The following LRCH1 variants were observed in gnomAD, a reference collection of about 807,000 sequenced individuals.
The protein encoded by LRCH1 is leucine-rich repeat and calponin homology domain-containing protein 1.
In LRCH1, 23 loss-of-function variants were observed where a neutral mutation model predicts 94.9. The observed-to-expected ratio is 0.24, with a 90% CI of 0.17 to 0.34. The LOEUF is 0.34. Among genes scored for constraint, LRCH1 ranks in the 10% least tolerant of loss-of-function variants. The pLI is 1.00. For missense variants in LRCH1, 790 were observed against 945.9 expected (o/e 0.84, Z 2.16); for synonymous variants, 364 against 354.9 (o/e 1.03, Z -0.29).
rs538190174 is a variant in LRCH1, at chr13:46,642,579, C to A, written c.308-7622C>A. On this transcript the variant is annotated intron_variant, in intron 1 of 19. Coordinates refer to ENST00000389797, the MANE Select transcript of LRCH1 (RefSeq NM_001164211.2). The stretch of plus-strand genomic sequence containing the variant: ...TCCATTCCAGGTCAGATTCTTGTTG[C>A]TCTGATTGTATCAGAAACTAGCTGA... 2.8e-4 allele frequency among the ~76,000 whole-genome samples: 43 copies of A among 152,330 alleles called. 1 individual carries two copies. In the South Asian group the frequency reaches 6.8e-3, roughly 24 times the overall value.
At chr13:46,605,526 C>G (rs1307268965) in intron 1 of LRCH1, among the ~76,000 whole-genome samples, 1 of 152,178 alleles carries the variant, frequency 6.6e-6, no homozygotes, top group Non-Finnish European at 1.5e-5. Flanking sequence ...CCTCCTCCTC[C>G]TCCTCCTCCT....
At chr13:46,610,708 A>G (rs962246172) in intron 1 of LRCH1, among the ~76,000 whole-genome samples, 1 of 152,196 alleles carries the variant, frequency 6.6e-6, no homozygotes, top group Non-Finnish European at 1.5e-5. Flanking sequence ...ATATGTATAT[A>G]TCACAACTTC....
intron 3 of LRCH1, among the ~76,000 whole-genome samples, chr13:46,677,930 A>G (rs2051699769): frequency 6.6e-6 from 1 of 152,346 alleles, no homozygotes. Flanking sequence ...AGTACTAACT[A>G]TAGGGTGCTA....
intron 11 of LRCH1, among the ~76,000 whole-genome samples, chr13:46,703,577 A>C (rs1168874613): frequency 6.6e-6 from 1 of 152,194 alleles, no homozygotes; most frequent in Non-Finnish European, 1.5e-5. Flanking sequence ...TTTGGGGTAG[A>C]GAATGAGGGG....
intron 1 of LRCH1, among the ~76,000 whole-genome samples, chr13:46,615,846 A>G (rs1230479444): frequency 6.6e-6 from 1 of 152,126 alleles, no homozygotes; most frequent in African/African-American, 2.4e-5. Flanking sequence ...TTTGATGGAA[A>G]GATTTCCCAG....
intron 1 of LRCH1, among the ~76,000 whole-genome samples, chr13:46,603,187 AATTT>A (rs1183001466): frequency 6.6e-6 from 1 of 151,660 alleles, no homozygotes; most frequent in Non-Finnish European, 1.5e-5. Context: ...GAGAGCCTCT[AATTT>A]ATTTCTTCTT....
At position 46,687,840 on chromosome 13, in the gene LRCH1, AT is replaced by A; in HGVS notation, c.823-9del. The A allele has an allele frequency of 2.5e-6, 4 of 1,603,948 alleles. No individual in the cohort carries two copies. The highest frequency in any genetic ancestry group is 3.4e-6 in the Non-Finnish European group (4 of 1,173,866). On this transcript the variant is annotated splice_polypyrimidine_tract_variant and intron_variant, in intron 5 of 19. Transcript: ENST00000389797. Reference sequence around the variant, plus strand: ...TGAAAAATGAATATGATTGCTATTAATTTCTTTGTAGATTTGCACAAAGGGC... The same window carrying A: ...TGAAAAATGAATATGATTGCTATTAATTCTTTGTAGATTTGCACAAAGGGC...
intron 3 of LRCH1, among the ~76,000 whole-genome samples, chr13:46,670,092 TGG>T (rs1356440660): frequency 5.9e-5 from 9 of 152,232 alleles, no homozygotes; most frequent in Non-Finnish European, 1.2e-4. Context: ...ATGTCTTTAG[TGG>T]GATTGGGCTA....
At chr13:46,715,752 A>T in intron 16 of LRCH1, 88 bp downstream of exon 16, 3 of 825,138 alleles carry the variant, frequency 3.6e-6, no homozygotes, top group Non-Finnish European at 6.0e-6. Context: ...CTGAAGATAG[A>T]GTATATTCAC....
intron 19 of LRCH1, among the ~76,000 whole-genome samples, chr13:46,737,468 T>G (rs1200805317): frequency 1.3e-5 from 2 of 152,232 alleles, no homozygotes; most frequent in Non-Finnish European, 2.9e-5. Flanking sequence ...GGCTGATTCA[T>G]AAATGCAGCA....
chr13:46,575,869 T>TGAGTGAAGAG (rs2050299099), intron 1 of LRCH1, among the ~76,000 whole-genome samples: 1 of 152,186 alleles, frequency 6.6e-6, no homozygotes, highest in South Asian at 2.1e-4. Context: ...CCTGAGTCCT[T>TGAGTGAAGAG]GAGTGAAGAG....
At chr13:46,620,485 T>G (rs560646692) in intron 1 of LRCH1, among the ~76,000 whole-genome samples, 15 of 152,288 alleles carry the variant, frequency 9.8e-5, no homozygotes, top group Admixed American at 5.2e-4. Context: ...ATGAGAAGTA[T>G]AGAGTAAAAT....
chr13:46,715,056 A>G (rs1336330827), intron 15 of LRCH1, among the ~76,000 whole-genome samples: 3 of 152,222 alleles, frequency 2.0e-5, no homozygotes. Flanking sequence ...AAAAAAAATC[A>G]CTAATGGTAA....
chr13:46,601,445 T>A (rs1024266037), intron 1 of LRCH1, among the ~76,000 whole-genome samples: 9 of 152,192 alleles, frequency 5.9e-5, no homozygotes, highest in African/African-American at 1.7e-4. Flanking sequence ...ATAAGTTTTT[T>A]AAAAAGTTGT....
chr13:46,602,325 T>C (rs919596500), intron 1 of LRCH1, among the ~76,000 whole-genome samples: 28 of 152,354 alleles, frequency 1.8e-4, no homozygotes, highest in African/African-American at 5.8e-4. Context: ...GAATAGTTTA[T>C]GCCTCTGCTT....
chr13:46,589,079 C>T (rs2050468736), intron 1 of LRCH1, among the ~76,000 whole-genome samples: 3 of 152,142 alleles, frequency 2.0e-5, no homozygotes, highest in Non-Finnish European at 4.4e-5. Context: ...CTATGTCACC[C>T]AGGCTGGAGG....
At chr13:46,588,359 A>G (rs1186007541) in intron 1 of LRCH1, among the ~76,000 whole-genome samples, 1 of 152,180 alleles carries the variant, frequency 6.6e-6, no homozygotes, top group East Asian at 1.9e-4. Context: ...TGCTACTCAC[A>G]TGGTAAATAA....
At chr13:46,667,920 C>G (rs2138114617) in intron 2 of LRCH1, among the ~76,000 whole-genome samples, 1 of 152,356 alleles carries the variant, frequency 6.6e-6, no homozygotes, top group East Asian at 1.9e-4. Context: ...CTCCCCCTCA[C>G]ATACACAGAT....
intron 19 of LRCH1, among the ~76,000 whole-genome samples, chr13:46,738,082 G>GT (rs1343894595): frequency 6.6e-6 from 1 of 152,150 alleles, no homozygotes; most frequent in Non-Finnish European, 1.5e-5. Context: ...GTACTCTGTT[G>GT]TCTAAATGTT....
Sources: allele counts gnomAD v4.1 joint callset (sites outside exome capture counted in the v4.1 genomes callset), GRCh38; gene constraint gnomAD v4.1.1; transcripts MANE v1.5; gene names NCBI Gene and HGNC (gene_info 2026-07-23, HGNC 2026-07-21).